Variants in LMO7 observed in about 807,000 individuals in gnomAD.
LMO7 encodes the protein LIM domain only protein 7.
Under a neutral mutation model 206.5 loss-of-function variants are expected in LMO7, and 120 were observed. That is an observed-to-expected ratio of 0.58 (90% CI 0.50 to 0.68). The LOEUF is 0.68. Ranked by LOEUF, LMO7 falls within the 30% of genes least tolerant of loss-of-function variation. LMO7 has a pLI of 0.00. For synonymous variants in LMO7, 706 were observed against 681.5 expected (o/e 1.04, Z -0.56); for missense variants, 1,959 against 1,957.9 (o/e 1.00, Z -0.01).
chr13:75,830,734 T>C (rs895319505), intron 15 of LMO7, among the ~76,000 whole-genome samples: 1 of 152,206 alleles, frequency 6.6e-6, no homozygotes, highest in African/African-American at 2.4e-5. Flanking sequence ...TCCAATCTAA[T>C]AGAACAGTGA....
chr13:75,775,712 A>G (rs944059741), intron 4 of LMO7, among the ~76,000 whole-genome samples: 5 of 152,104 alleles, frequency 3.3e-5, no homozygotes, highest in African/African-American at 1.2e-4. Context: ...CATGCTCAAC[A>G]TCACTGATCA....
intron 2 of LMO7, among the ~76,000 whole-genome samples, chr13:75,722,738 G>C (rs528814920): frequency 6.6e-6 from 1 of 152,284 alleles, no homozygotes; most frequent in East Asian, 1.9e-4. Context: ...AGCGCAATTT[G>C]CACTTGCAAG....
chr13:75,748,815 C>CTTT (rs376720178), intron 3 of LMO7, among the ~76,000 whole-genome samples: 1 of 143,076 alleles, frequency 7.0e-6, no homozygotes. Flanking sequence ...TTCTTTCTTT[C>CTTT]TTTTTTTTTT....
chr13:75,786,053 T>C (rs890893721), intron 4 of LMO7, among the ~76,000 whole-genome samples: 2 of 152,186 alleles, frequency 1.3e-5, no homozygotes, highest in African/African-American at 2.4e-5. Flanking sequence ...TGAATGTGTG[T>C]GAGATGTAGA....
At chr13:75,834,093 T>C in intron 16 of LMO7, 133 bp from the exon 17 acceptor site, 1 of 622,922 alleles carries the variant, frequency 1.6e-6, no homozygotes, top group Non-Finnish European at 2.7e-6. Context: ...TTAAAAAAAA[T>C]AGTGACCTCC....
chr13:75,636,337 C>T lies in LMO7; in HGVS notation c.-321C>T, dbSNP rs1593954955. On this transcript the variant is annotated 5_prime_UTR_variant, in exon 1 of 31. Coordinates refer to ENST00000377534, the MANE Select transcript of LMO7 (RefSeq NM_001306080.2). ...CTGCGACTTTTGAAGTCCAAACTGTCGTCGGGGCTGGTGCCGCGCGCTGCC... is the reference window on the plus strand; with the variant it reads ...CTGCGACTTTTGAAGTCCAAACTGTTGTCGGGGCTGGTGCCGCGCGCTGCC... 1.7e-6 allele frequency: 2 copies of T among 1,186,684 alleles called. No homozygotes were observed. The highest frequency in any genetic ancestry group is 4.7e-5 in the Admixed American group (1 of 21,158). 73.5% of individuals were successfully genotyped at this position (1,186,684 alleles called of 1,614,324 possible).
intron 1 of LMO7, among the ~76,000 whole-genome samples, chr13:75,677,386 T>C (rs2040100699): frequency 6.6e-6 from 1 of 152,250 alleles, no homozygotes; most frequent in Non-Finnish European, 1.5e-5. Flanking sequence ...ATAAGCTATA[T>C]CATATTTAGA....
At chr13:75,730,125 G>T (rs1189014578) in intron 3 of LMO7, among the ~76,000 whole-genome samples, 1 of 152,044 alleles carries the variant, frequency 6.6e-6, no homozygotes, top group Admixed American at 6.5e-5. Context: ...TTTGGTATCA[G>T]GATGATGCTG....
At chr13:75,804,620 C>A (rs1431778774) in intron 8 of LMO7, 79 bp downstream of exon 8, 1 of 1,464,022 alleles carries the variant, frequency 6.8e-7, no homozygotes, top group Non-Finnish European at 9.2e-7. Flanking sequence ...AAAAGAATGG[C>A]TCTTAAATGT....
chr13:75,669,472 A>G (rs1380306862), intron 1 of LMO7, among the ~76,000 whole-genome samples: 1 of 152,204 alleles, frequency 6.6e-6, no homozygotes. Flanking sequence ...GCTGGAGTTC[A>G]CTGAGAAGTA....
At chr13:75,811,194 CT>C (rs74462505) in intron 11 of LMO7, among the ~76,000 whole-genome samples, 19,882 of 145,268 alleles carry the variant, frequency 0.14, 1,701 homozygotes, top group Admixed American at 0.22. Flanking sequence ...CTTTTTCTTT[CT>C]TTTTTTCTTT....
intron 1 of LMO7, among the ~76,000 whole-genome samples, chr13:75,653,789 C>A (rs1406744439): frequency 6.6e-6 from 1 of 152,188 alleles, no homozygotes; most frequent in Non-Finnish European, 1.5e-5. Context: ...AGTGAACTTA[C>A]ACTTGCAATT....
intron 4 of LMO7, among the ~76,000 whole-genome samples, chr13:75,770,301 AG>A (rs1185297295): frequency 2.0e-5 from 3 of 151,942 alleles, no homozygotes; most frequent in African/African-American, 7.3e-5. Context: ...TCCAGGGTAG[AG>A]AGAAGCAGCC....
At chr13:75,717,864 A>AGG (rs2043683698) in intron 2 of LMO7, among the ~76,000 whole-genome samples, 1 of 152,202 alleles carries the variant, frequency 6.6e-6, no homozygotes, top group African/African-American at 2.4e-5. Flanking sequence ...GAATTTCCTG[A>AGG]GGAGGACAGT....
At chr13:75,767,010 A>G (rs1269998669) in intron 4 of LMO7, among the ~76,000 whole-genome samples, 1 of 152,108 alleles carries the variant, frequency 6.6e-6, no homozygotes, top group Non-Finnish European at 1.5e-5. Context: ...GTTGCCTTTT[A>G]CTTATACCAG....
intron 11 of LMO7, 84 bp from the exon 12 acceptor site, chr13:75,817,077 T>C: frequency 1.1e-6 from 1 of 909,810 alleles, no homozygotes; most frequent in South Asian, 1.5e-5. Context: ...TAGGTGGAAT[T>C]TCCAAATTTA....
chr13:75,692,761 T>C (rs1326963081), intron 1 of LMO7, among the ~76,000 whole-genome samples: 1 of 152,240 alleles, frequency 6.6e-6, no homozygotes, highest in Non-Finnish European at 1.5e-5. Flanking sequence ...CGAATGGCTG[T>C]GCCTTCTCAG....
chr13:75,726,404 A>T (rs1352615962), intron 2 of LMO7, among the ~76,000 whole-genome samples: 1 of 152,014 alleles, frequency 6.6e-6, no homozygotes, highest in Non-Finnish European at 1.5e-5. Flanking sequence ...GGTTCTGTTT[A>T]ATCTAAAATA....
At chr13:75,807,057 G>T (rs1460186854) in intron 9 of LMO7, 1 of 162,122 alleles carries the variant, frequency 6.2e-6, no homozygotes, top group African/African-American at 2.4e-5. Context: ...GGAGGCGGAG[G>T]TTGCAGTGAG....
Sources: gnomAD v4.1 joint callset for allele counts (sites outside exome capture counted in the v4.1 genomes callset) on GRCh38, gnomAD v4.1.1 for gene constraint, MANE v1.5 for transcripts, NCBI Gene and HGNC (gene_info 2026-07-23, HGNC 2026-07-21) for gene names.